Variants in KPNA3 observed in about 807,000 individuals in gnomAD.
KPNA3 encodes importin subunit alpha-4.
Under a neutral mutation model 73.8 loss-of-function variants are expected in KPNA3, and 13 were observed. That is an observed-to-expected ratio of 0.18 (90% CI 0.11 to 0.28). The LOEUF (loss-of-function observed/expected upper bound fraction) is 0.28. Among genes scored for constraint, KPNA3 ranks in the 10% least tolerant of loss-of-function variants. The pLI is 1.00. For synonymous variants in KPNA3, 186 were observed against 206.9 expected (o/e 0.90, Z 0.87); for missense variants, 360 against 618.1 (o/e 0.58, Z 4.43).
chr13:49,722,593 T>C (rs775163071), intron 7 of KPNA3, 30 bp from the exon 8 acceptor site: 1 of 1,343,096 alleles, frequency 7.4e-7, no homozygotes, highest in Admixed American at 1.8e-5. Context: ...ATATTTATAC[T>C]AGCAACATGT....
intron 7 of KPNA3, among the ~76,000 whole-genome samples, chr13:49,722,830 TAAAAAAAAA>T (rs10693298): frequency 2.5e-5 from 2 of 79,650 alleles, no homozygotes; most frequent in African/African-American, 9.9e-5. Context: ...TATAATCCAT[TAAAAAAAAA>T]AAAAAAAAAA....
At chr13:49,749,559 C>T (rs776681370) in intron 1 of KPNA3, among the ~76,000 whole-genome samples, 1 of 152,148 alleles carries the variant, frequency 6.6e-6, no homozygotes, top group Non-Finnish European at 1.5e-5. Context: ...TCACCTAATC[C>T]TAGTCAGAAC....
chr13:49,761,807 C>T (rs1353507050), intron 1 of KPNA3, among the ~76,000 whole-genome samples: 23 of 150,948 alleles, frequency 1.5e-4, no homozygotes, highest in Non-Finnish European at 2.4e-4. Flanking sequence ...CATCTCTGCC[C>T]GGCCGCCCAT....
intron 1 of KPNA3, among the ~76,000 whole-genome samples, chr13:49,764,922 C>CTTCT (rs1954797303): frequency 6.6e-6 from 1 of 152,200 alleles, no homozygotes; most frequent in Admixed American, 6.5e-5. Flanking sequence ...TATCAGCAAC[C>CTTCT]TTCTATTCAT....
chr13:49,711,080 T>G, intron 10 of KPNA3, 58 bp from the exon 11 acceptor site: 1 of 1,499,046 alleles, frequency 6.7e-7, no homozygotes, highest in South Asian at 1.3e-5. Flanking sequence ...CTTTACTTGT[T>G]CAACACACCT....
intron 1 of KPNA3, among the ~76,000 whole-genome samples, chr13:49,786,999 G>C (rs1234120721): frequency 6.6e-6 from 1 of 152,144 alleles, no homozygotes; most frequent in Non-Finnish European, 1.5e-5. Flanking sequence ...CAAACATGAG[G>C]GTTCTTCAGA....
intron 10 of KPNA3, among the ~76,000 whole-genome samples, chr13:49,715,744 G>A (rs746788020): frequency 3.7e-4 from 57 of 152,260 alleles, no homozygotes; most frequent in Admixed American, 5.9e-4. Flanking sequence ...AGTATGCAAC[G>A]AAATTACAAA....
At chr13:49,781,772 T>C (rs937359554) in intron 1 of KPNA3, among the ~76,000 whole-genome samples, 1 of 152,226 alleles carries the variant, frequency 6.6e-6, no homozygotes, top group East Asian at 1.9e-4. Context: ...TCCTGTATAC[T>C]GGGAACTACC....
At chr13:49,754,734 AG>A (rs1954696148) in intron 1 of KPNA3, among the ~76,000 whole-genome samples, 1 of 152,062 alleles carries the variant, frequency 6.6e-6, no homozygotes, top group South Asian at 2.1e-4. Flanking sequence ...CAAAAGAACA[AG>A]GGAAAACTAC....
At chr13:49,735,062 C>T (rs553582396) in intron 2 of KPNA3, among the ~76,000 whole-genome samples, 128 of 152,152 alleles carry the variant, frequency 8.4e-4, no homozygotes, top group Admixed American at 2.2e-3. Context: ...ACAACCCCTG[C>T]ATTTAAATTG....
At chr13:49,749,096 C>T (rs965441083) in intron 1 of KPNA3, among the ~76,000 whole-genome samples, 1 of 152,162 alleles carries the variant, frequency 6.6e-6, no homozygotes, top group African/African-American at 2.4e-5. Flanking sequence ...TGATGCATAA[C>T]AAAAAGATCC....
intron 6 of KPNA3, among the ~76,000 whole-genome samples, chr13:49,731,036 T>C (rs1315555248): frequency 6.6e-6 from 1 of 151,708 alleles, no homozygotes. Context: ...TGCCTCAGCC[T>C]CCCAAAGTGC....
intron 1 of KPNA3, among the ~76,000 whole-genome samples, chr13:49,762,616 G>A (rs1954776561): frequency 6.6e-6 from 1 of 152,020 alleles, no homozygotes; most frequent in African/African-American, 2.4e-5. Flanking sequence ...AGGGTTAAAT[G>A]GATTAAGGGC....
At chr13:49,704,956 T>G (rs534776973) in intron 15 of KPNA3, among the ~76,000 whole-genome samples, 2 of 152,306 alleles carry the variant, frequency 1.3e-5, no homozygotes, top group Non-Finnish European at 2.9e-5. Context: ...GTTAAGAAGT[T>G]TAAGAAATGC....
intron 2 of KPNA3, among the ~76,000 whole-genome samples, chr13:49,743,589 AAAAG>A (rs1198338833): frequency 2.6e-5 from 4 of 152,200 alleles, no homozygotes; most frequent in Admixed American, 6.5e-5. Flanking sequence ...AAAAAAAAAA[AAAAG>A]AAAGGGGTCT....
chr13:49,725,754 G>A (rs1954403911), intron 6 of KPNA3, among the ~76,000 whole-genome samples: 1 of 151,034 alleles, frequency 6.6e-6, no homozygotes, highest in Non-Finnish European at 1.5e-5. Flanking sequence ...AGTGATTCTC[G>A]TCTCCACCTC....
chr13:49,768,278 C>CA (rs35217633), intron 1 of KPNA3, among the ~76,000 whole-genome samples: 23,236 of 94,532 alleles, frequency 0.25, 3,032 homozygotes, highest in East Asian at 0.67. Context: ...GACTCTGTCT[C>CA]AAAAAAAAAA....
intron 6 of KPNA3, among the ~76,000 whole-genome samples, chr13:49,726,322 G>A (rs932890367): frequency 1.3e-5 from 2 of 152,170 alleles, no homozygotes; most frequent in African/African-American, 4.8e-5. Flanking sequence ...AATAGTAATG[G>A]AAGACCTCAC....
intron 10 of KPNA3, among the ~76,000 whole-genome samples, chr13:49,719,427 A>G (rs1034198270): frequency 1.3e-5 from 2 of 152,138 alleles, no homozygotes; most frequent in African/African-American, 4.8e-5. Context: ...GGGGGGAATA[A>G]TATCTAGCCT....
Sources: gnomAD v4.1 joint callset for allele counts (sites outside exome capture counted in the v4.1 genomes callset) on GRCh38, gnomAD v4.1.1 for gene constraint, MANE v1.5 for transcripts, NCBI Gene and HGNC (gene_info 2026-07-23, HGNC 2026-07-21) for gene names.